SLC30A8: variants seen among roughly 807,000 people sequenced by gnomAD.
SLC30A8 encodes the protein solute carrier family 30 member 8.
SLC30A8 carries 27 observed loss-of-function variants against 36.9 expected under a neutral mutation model. The ratio of observed to expected loss-of-function variants is 0.73; its 90% CI spans 0.54 to 1.01. The LOEUF is 1.01. Ranked by LOEUF, SLC30A8 falls within the 50% of genes least tolerant of loss-of-function variation. The pLI, the probability that SLC30A8 is intolerant of heterozygous loss-of-function variation, is 0.00. For synonymous variants in SLC30A8, 164 were observed against 172.4 expected, an observed-to-expected ratio of 0.95 and a Z score of 0.38; for missense variants, 439 against 452.0, an observed-to-expected ratio of 0.97 and a Z score of 0.26.
chr8:116,969,735 T>A (rs576989409), intron 1 of SLC30A8, among the ~76,000 whole-genome samples: 3 of 152,216 alleles, frequency 2.0e-5, no homozygotes, highest in African/African-American at 7.2e-5. Context: ...TATTTGTGTA[T>A]CTAAACATAT....
chr8:117,094,239 C>G (rs981527935), intron 2 of SLC30A8, among the ~76,000 whole-genome samples: 8 of 152,322 alleles, frequency 5.3e-5, no homozygotes, highest in African/African-American at 1.9e-4. Flanking sequence ...GCTCTTTTAG[C>G]CCCACCATTT....
At chr8:116,954,469 A>C (rs540983584) in intron 1 of SLC30A8, among the ~76,000 whole-genome samples, 104 of 144,100 alleles carry the variant, frequency 7.2e-4, no homozygotes, top group African/African-American at 2.9e-3. Flanking sequence ...AAAGCTATTA[A>C]AGAGAGAGAG....
In SLC30A8 at chr8:117,075,651, G is replaced by A. The variant is rs114220370; in HGVS notation, c.-226+36393G>A. On this transcript the variant is annotated intron_variant, in intron 2 of 10. Coordinates refer to the SLC30A8 transcript ENST00000427715. ...CATTGTCTTTTGGACTGTTTAAATC[G>A]TCTTTTTATTGGTTTTCTCATCTTT... 4.1e-3 allele frequency among the ~76,000 whole-genome samples: 626 copies of A among 152,220 alleles called. 2 individuals carry two copies. Among genetic ancestry groups the A allele is most frequent in the African/African-American group, 0.014 (580 of 41,554 alleles).
At position 117,175,494 on chromosome 8, in the gene SLC30A8, T is replaced by TTGTC. The variant is rs1381656611; in HGVS notation, c.*2816_*2819dup. 6.6e-6 allele frequency: 1 copy of TTGTC among 152,092 alleles called. No individual in the cohort carries two copies. Among genetic ancestry groups the TTGTC allele is most frequent in the East Asian group, 1.9e-4 (1 of 5,166 alleles). The allele number at this position is 152,092 out of a possible 1,614,324, so 9.4% of individuals were successfully genotyped here. A position where few individuals can be genotyped will look rare whatever the true frequency, so the allele number is the denominator to read the frequency against. ...ATTAAGCATCAGTTCTGAAGCTAGA[T>TTGTC]TGTCTGAGTTTGAATCTTAGCTCTT... On this transcript the variant is annotated 3_prime_UTR_variant, in exon 8 of 8. Coordinates refer to ENST00000456015, the MANE Select transcript of SLC30A8 (RefSeq NM_173851.3).
At chr8:117,007,249 T>C (rs1816214455) in intron 1 of SLC30A8, 2 of 152,124 alleles carry the variant, frequency 1.3e-5, no homozygotes, top group South Asian at 2.1e-4. Context: ...TAAAAAACAT[T>C]TATTTTCTAG....
At position 116,990,641 on chromosome 8, in the gene SLC30A8, C is replaced by G. The variant is rs141103999; in HGVS notation, c.-266+39522C>G. On this transcript the variant is annotated intron_variant, in intron 1 of 10. Transcript: ENST00000427715. ...GTGATGACTATATGCAATGTGGTGT[C>G]TCGGAATGGAAAGAGAACATTTGTG... Among the ~76,000 whole-genome samples the G allele has an allele frequency of 4.0e-3, 609 of 152,102 alleles. 4 individuals carry two copies. The highest frequency in any genetic ancestry group is 0.014 in the African/African-American group (575 of 41,478).
At chr8:117,106,888 T>C (rs1056582818) in intron 2 of SLC30A8, among the ~76,000 whole-genome samples, 1 of 152,192 alleles carries the variant, frequency 6.6e-6, no homozygotes, top group African/African-American at 2.4e-5. Context: ...CAAAGGGATG[T>C]TCTCTCTACC....
intron 1 of SLC30A8, among the ~76,000 whole-genome samples, chr8:117,033,790 T>A (rs950068881): frequency 2.0e-5 from 3 of 151,976 alleles, no homozygotes; most frequent in Non-Finnish European, 1.5e-5. Context: ...CCTTGAGAAG[T>A]GGGAAAAGGC....
chr8:117,153,754 G>A (rs1356632399), intron 3 of SLC30A8, among the ~76,000 whole-genome samples: 1 of 151,664 alleles, frequency 6.6e-6, no homozygotes, highest in Non-Finnish European at 1.5e-5. Context: ...GTGTGTGTGT[G>A]TATTCATTCT....
At chr8:117,169,795 A>G (rs1030827145) in intron 6 of SLC30A8, among the ~76,000 whole-genome samples, 1 of 152,042 alleles carries the variant, frequency 6.6e-6, no homozygotes, top group East Asian at 1.9e-4. Flanking sequence ...CAAATCTTGC[A>G]AGAACTCACT....
intron 2 of SLC30A8, among the ~76,000 whole-genome samples, chr8:117,151,579 T>C (rs1321038472): frequency 1.3e-5 from 2 of 152,208 alleles, no homozygotes; most frequent in Non-Finnish European, 1.5e-5. Flanking sequence ...AAGCAAGCCC[T>C]TTTTCTTTCT....
intron 6 of SLC30A8, among the ~76,000 whole-genome samples, chr8:117,167,088 T>C (rs1366946040): frequency 2.0e-5 from 3 of 152,136 alleles, no homozygotes; most frequent in African/African-American, 2.4e-5. Flanking sequence ...GTTGCTATTA[T>C]GGAAGTTATT....
intron 1 of SLC30A8, among the ~76,000 whole-genome samples, chr8:117,002,091 C>T (rs1816029205): frequency 6.6e-6 from 1 of 152,210 alleles, no homozygotes; most frequent in Admixed American, 6.5e-5. Flanking sequence ...GCTTCTGTCA[C>T]TGTACCACAT....
chr8:116,950,894 A>G (rs1318047545), upstream of SLC30A8: 2 of 152,210 alleles, frequency 1.3e-5, no homozygotes, highest in Admixed American at 1.3e-4. Context: ...GCCATAGCTG[A>G]TAGCTCGTTA....
chr8:116,958,323 T>A (rs574284121), intron 1 of SLC30A8, among the ~76,000 whole-genome samples: 1 of 135,500 alleles, frequency 7.4e-6, no homozygotes, highest in African/African-American at 2.8e-5. Context: ...TTTTAATGCC[T>A]GAATTATTTC....
rs192336702 is a variant in SLC30A8 at position 117,090,594 on chromosome 8, A to G, written c.-225-44686A>G. Among the ~76,000 whole-genome samples the G allele has an allele frequency of 3.3e-5, 5 of 152,282 alleles. No homozygotes were observed. In the East Asian group the frequency reaches 9.7e-4, roughly 29 times the overall value. ...TGAGAGAGCTACTTAGGGTTTCTTA[A>G]TAAGGGCACTAATCCCATTAATGAG... On this transcript the variant is annotated intron_variant, in intron 2 of 10. Transcript: ENST00000427715.
At chr8:117,069,678 G>A (rs1818270418) in intron 2 of SLC30A8, among the ~76,000 whole-genome samples, 1 of 152,210 alleles carries the variant, frequency 6.6e-6, no homozygotes, top group African/African-American at 2.4e-5. Context: ...CTATCATGAA[G>A]GCTGGGTTTG....
chr8:117,046,275 C>T (rs1327589978), intron 2 of SLC30A8, among the ~76,000 whole-genome samples: 1 of 152,292 alleles, frequency 6.6e-6, no homozygotes, highest in East Asian at 1.9e-4. Context: ...GGGGTGGACC[C>T]CCCCACCGCC....
intron 1 of SLC30A8, among the ~76,000 whole-genome samples, chr8:117,141,069 G>T (rs1435830285): frequency 6.6e-6 from 1 of 152,042 alleles, no homozygotes; most frequent in Non-Finnish European, 1.5e-5. Context: ...AAGTCCAGAT[G>T]TCCTCACTGG....
Sources: gnomAD v4.1 joint callset for allele counts (sites outside exome capture counted in the v4.1 genomes callset) on GRCh38, gnomAD v4.1.1 for gene constraint, MANE v1.5 for transcripts, NCBI Gene and HGNC (gene_info 2026-07-23, HGNC 2026-07-21) for gene names.